Variants in TSHB observed in about 807,000 individuals in gnomAD.
The protein encoded by TSHB is thyroid stimulating hormone subunit beta, also known as thyrotropin subunit beta.
Under a neutral mutation model 9.3 loss-of-function variants are expected in TSHB, and 9 were observed. The observed-to-expected ratio is 0.97, with a 90% CI of 0.58 to 1.69. TSHB has a LOEUF of 1.69. Ranked by LOEUF, TSHB falls within the 40% of genes most tolerant of loss-of-function variation. The pLI is 0.00. For missense variants in TSHB, 182 were observed against 168.5 expected, an observed-to-expected ratio of 1.08 and a Z score of -0.44; for synonymous variants, 57 against 57.2, an observed-to-expected ratio of 1.00 and a Z score of 0.01.
chr1:115,032,473 G>T (rs187692179), intron 1 of TSHB, among the ~76,000 whole-genome samples: 49 of 151,902 alleles, frequency 3.2e-4, no homozygotes, highest in African/African-American at 1.2e-3. Context: ...AATAGAACAA[G>T]CAAACAAGTT....
intron 1 of TSHB, among the ~76,000 whole-genome samples, chr1:115,030,856 G>T (rs186115580): frequency 6.6e-6 from 1 of 152,128 alleles, no homozygotes; most frequent in Admixed American, 6.5e-5. Context: ...TTCTTATATA[G>T]AGAGCCAAGT....
chr1:115,030,680 C>A (rs1033923303), intron 1 of TSHB, among the ~76,000 whole-genome samples: 1 of 152,008 alleles, frequency 6.6e-6, no homozygotes, highest in Non-Finnish European at 1.5e-5. Context: ...TGAAACCATG[C>A]CTTCTATGTT....
rs546492382 is a variant in TSHB, at chr1:115,032,053, T to C, written c.-1-1309T>C. 4.6e-5 allele frequency among the ~76,000 whole-genome samples: 7 copies of C among 152,168 alleles called. No individual in the cohort carries two copies. The South Asian group carries it at 1.4e-3, about 31-fold the overall frequency. On this transcript the variant is annotated intron_variant, in intron 1 of 2. Transcript: ENST00000256592. Reference sequence around the variant, plus strand: ...ACTAGAACAATCTGCGTTTTTATTATTTGTGTTCATATTAGCTCCTCCACT... The same window carrying C: ...ACTAGAACAATCTGCGTTTTTATTACTTGTGTTCATATTAGCTCCTCCACT...
At chr1:115,033,770 A>T in intron 2 of TSHB, 1 of 279,514 alleles carries the variant, frequency 3.6e-6, no homozygotes, top group Non-Finnish European at 5.4e-6. Context: ...TCCCATGATC[A>T]ACGATGAAAG....
intron 1 of TSHB, among the ~76,000 whole-genome samples, chr1:115,031,654 T>G (rs1208253206): frequency 1.3e-5 from 2 of 152,042 alleles, no homozygotes; most frequent in East Asian, 3.8e-4. Flanking sequence ...GCATTTTACA[T>G]AATTTACCAG....
At position 115,033,428 on chromosome 1, in the gene TSHB, T is replaced by A. The variant is rs746152283; in HGVS notation, c.66T>A (p.Cys22Ter). The A allele has an allele frequency of 6.2e-7, 1 of 1,613,442 alleles. No individual in the cohort carries two copies. The highest frequency in any genetic ancestry group is 1.1e-5 in the South Asian group (1 of 91,070). Residue 22 changes from cysteine to a stop codon, truncating the protein, a stop_gained, in exon 2 of 3, where the codon TGT becomes TGA. Transcript: ENST00000256592. LOFTEE classifies it high-confidence loss of function. ...CATGTGGGCAAGCGATGTCTTTTTGTATTCCAACTGAGTATACAATGCACA... is the reference window on the plus strand; with the variant it reads ...CATGTGGGCAAGCGATGTCTTTTTGAATTCCAACTGAGTATACAATGCACA... ...GLTCGQAMSF[C>*]IPTEYTMHIE...
intron 2 of TSHB, 57 bp from the exon 3 acceptor site, chr1:115,033,916 T>A (rs1674952418): frequency 6.3e-7 from 1 of 1,593,252 alleles, no homozygotes; most frequent in Non-Finnish European, 8.6e-7. Flanking sequence ...GTTTCTATTA[T>A]CTATATGTTT....
chr1:115,033,453 A>G lies in TSHB; in HGVS notation c.91A>G (p.Ile31Val), dbSNP rs201979165. The G allele has an allele frequency of 6.2e-7, 1 of 1,613,460 alleles. No individual in the cohort carries two copies. Among genetic ancestry groups the G allele is most frequent in the East Asian group, 2.2e-5 (1 of 44,868 alleles). The change falls in exon 2 of 3, where the codon ATC (isoleucine) becomes GTC (valine). Residue 31 changes from isoleucine to valine, a missense_variant. Transcript: ENST00000256592. ...FCIPTEYTMH[I>V]ERRECAYCLT... is the part of the protein sequence containing the mutation. ...TATTCCAACTGAGTATACAATGCAC[A>G]TCGAAAGGAGAGAGTGTGCTTATTG...
At chr1:115,032,325 C>T (rs1167906481) in intron 1 of TSHB, among the ~76,000 whole-genome samples, 2 of 151,696 alleles carry the variant, frequency 1.3e-5, no homozygotes, top group African/African-American at 2.4e-5. Context: ...TAACCAAGGC[C>T]GAACCTATGA....
At chr1:115,033,105 T>G (rs925773516) in intron 1 of TSHB, among the ~76,000 whole-genome samples, 4 of 151,770 alleles carry the variant, frequency 2.6e-5, no homozygotes, top group Non-Finnish European at 5.9e-5. Flanking sequence ...TATTTCCACC[T>G]TAAAGGGATA....
chr1:115,034,155 C>T lies in TSHB; in HGVS notation c.345C>T (p.Cys115=). Residue 115 remains cysteine (C), a synonymous_variant, in exon 3 of 3, where the codon TGC becomes TGT. Coordinates refer to ENST00000256592, the MANE Select transcript of TSHB (RefSeq NM_000549.5). ...AGTGCAATACTGACTATAGTGACTG[C>T]ATACATGAAGCCATCAAGACAAACT... is the stretch of plus-strand genomic sequence containing the variant. ...CGKCNTDYSD[C]IHEAIKTNYC... is the part of the protein sequence containing the mutation. The T allele has an allele frequency of 1.2e-6, 2 of 1,613,812 alleles. No homozygotes were observed. The highest frequency in any genetic ancestry group is 8.5e-7 in the Non-Finnish European group (1 of 1,179,790).
Position 115,033,479 on chromosome 1 carries a change from C to T in TSHB, c.117C>T (p.Cys39=). ...TCGAAAGGAGAGAGTGTGCTTATTG[C>T]CTAACCATCAACACCACCATCTGTG... is the stretch of plus-strand genomic sequence containing the variant. ...MHIERRECAY[C]LTINTTICAG... Residue 39 remains cysteine (C), a synonymous_variant, in exon 2 of 3, where the codon TGC becomes TGT. Coordinates refer to ENST00000256592, the MANE Select transcript of TSHB (RefSeq NM_000549.5). The T allele has an allele frequency of 6.2e-7, 1 of 1,613,190 alleles. No individual in the cohort carries two copies. Among genetic ancestry groups the T allele is most frequent in the Non-Finnish European group, 8.5e-7 (1 of 1,179,294 alleles).
intron 1 of TSHB, among the ~76,000 whole-genome samples, 167 bp downstream of exon 1, chr1:115,030,027 T>C (rs1279541188): frequency 6.6e-6 from 1 of 152,072 alleles, no homozygotes; most frequent in African/African-American, 2.4e-5. Context: ...TAGTAGTAGA[T>C]GGAGGTGAGA....
At chr1:115,033,558 A>G in intron 2 of TSHB, 34 bp downstream of exon 2, 1 of 1,574,100 alleles carries the variant, frequency 6.4e-7, no homozygotes, top group South Asian at 1.1e-5. Flanking sequence ...TTGGCTGTAA[A>G]TTATATAAGC....
chr1:115,033,999 C>G lies in TSHB; in HGVS notation c.189C>G (p.Pro63=). 1 of 1,613,602 alleles carries G rather than the reference C, an allele frequency of 6.2e-7. No individual in the cohort carries two copies. The highest frequency in any genetic ancestry group is 1.1e-5 in the South Asian group (1 of 91,066). The part of the protein sequence containing the change: ...TRDINGKLFL[P]KYALSQDVCT... ...ATATCAATGGCAAACTGTTTCTTCC[C>G]AAATATGCTCTGTCCCAGGATGTTT... The change falls in exon 3 of 3, where the codon CCC becomes CCG. Residue 63 remains proline (P), a synonymous_variant. Transcript: ENST00000256592.
intron 1 of TSHB, among the ~76,000 whole-genome samples, 194 bp from the exon 2 acceptor site, chr1:115,033,168 C>G (rs1674932490): frequency 6.6e-6 from 1 of 151,940 alleles, no homozygotes; most frequent in Non-Finnish European, 1.5e-5. Flanking sequence ...TGAGTTAGCC[C>G]CTTAACACCA....
intron 2 of TSHB, 47 bp from the exon 3 acceptor site, chr1:115,033,926 T>C (rs1674952638): frequency 1.9e-6 from 3 of 1,605,052 alleles, no homozygotes; most frequent in Non-Finnish European, 2.6e-6. Flanking sequence ...TCTATATGTT[T>C]CCTAAAGTCC....
At chr1:115,030,113 A>C (rs2101006564) in intron 1 of TSHB, among the ~76,000 whole-genome samples, 1 of 152,162 alleles carries the variant, frequency 6.6e-6, no homozygotes, top group South Asian at 2.1e-4. Flanking sequence ...TCCCTAATGA[A>C]GGATATTTGA....
intron 1 of TSHB, among the ~76,000 whole-genome samples, chr1:115,032,234 A>G (rs574348791): frequency 1.6e-4 from 24 of 152,118 alleles, no homozygotes; most frequent in Non-Finnish European, 3.1e-4. Context: ...CTGGAATTTG[A>G]CATTTAAAAT....
Sources: gnomAD v4.1 joint callset for allele counts (sites outside exome capture counted in the v4.1 genomes callset) on GRCh38, gnomAD v4.1.1 for gene constraint, MANE v1.5 for transcripts, NCBI Gene and HGNC (gene_info 2026-07-23, HGNC 2026-07-21) for gene names.